Variants in TIFAB observed in about 807,000 individuals in gnomAD.
TIFAB encodes the protein TRAF-interacting protein with FHA domain-containing protein B.
For missense variants in TIFAB, 222 were observed against 203.6 expected (o/e 1.09, Z -0.55); for synonymous variants, 116 against 95.2 (o/e 1.22, Z -1.27).
In TIFAB at chr5:135,446,690, G is replaced by T; in HGVS notation, c.*2764C>A. Reference sequence around the variant, plus strand: ...CGGTGAGACTGTGTGAACTGTGAACGGGTAGAGTCTGAAACTACAAACCAG... The same window carrying T: ...CGGTGAGACTGTGTGAACTGTGAACTGGTAGAGTCTGAAACTACAAACCAG... On this transcript the variant is annotated 3_prime_UTR_variant, in exon 2 of 2. Transcript: ENST00000537858. 6.2e-7 allele frequency: 1 copy of T among 1,613,784 alleles called. No individual in the cohort carries two copies. The highest frequency in any genetic ancestry group is 8.5e-7 in the Non-Finnish European group (1 of 1,179,710).
In TIFAB at chr5:135,446,381, G is replaced by C. The variant is rs370314333; in HGVS notation, c.*3073C>G. The stretch of plus-strand genomic sequence containing the variant: ...GTGCACACGCACACATGTTCACTCA[G>C]GCACGTGGGCTGCCCTGCGGTGGGA... On this transcript the variant is annotated 3_prime_UTR_variant, in exon 2 of 2. Coordinates refer to ENST00000537858, the MANE Select transcript of TIFAB (RefSeq NM_001099221.2). 3 of 1,599,736 alleles carry C rather than the reference G, an allele frequency of 1.9e-6. No individual in the cohort carries two copies. Among genetic ancestry groups the C allele is most frequent in the Non-Finnish European group, 8.5e-7 (1 of 1,170,456 alleles).
At position 135,451,485 on chromosome 5, in the gene TIFAB, C is replaced by CTT. The variant is rs572037192; in HGVS notation, c.-11+722_-11+723dup. Reference sequence around the variant, plus strand: ...TCTGCCGAAAGCCTTTCTTTTTTTTCTTTTTTTTTTTTTTCTGAGATGGAG... The same window carrying CTT: ...TCTGCCGAAAGCCTTTCTTTTTTTTCTTTTTTTTTTTTTTTTCTGAGATGGAG... On this transcript the variant is annotated intron_variant, in intron 1 of 1. Coordinates refer to ENST00000537858, the MANE Select transcript of TIFAB (RefSeq NM_001099221.2). Among the ~76,000 whole-genome samples the CTT allele has an allele frequency of 1.0e-3, 149 of 142,268 alleles. 1 individual carries two copies. Among genetic ancestry groups the CTT allele is most frequent in the Non-Finnish European group, 1.7e-3 (108 of 65,284 alleles). 93.3% of individuals were successfully genotyped at this position (142,268 alleles called of 152,430 possible).
chr5:135,447,817 C>G lies in TIFAB; in HGVS notation c.*1637G>C, dbSNP rs1438921920. The G allele has an allele frequency of 6.6e-6, 1 of 152,284 alleles. No individual in the cohort carries two copies. The highest frequency in any genetic ancestry group is 1.5e-5 in the Non-Finnish European group (1 of 68,106). The allele number at this position is 152,284 out of a possible 1,614,324, so 9.4% of individuals were successfully genotyped here. A position where few individuals can be genotyped will look rare whatever the true frequency, so the allele number is the denominator to read the frequency against. ...TAGTGATCAAATAAGTAATGCACTC[C>G]TGAATGCTTGACTTTCCTGAGTGCA... On this transcript the variant is annotated 3_prime_UTR_variant, in exon 2 of 2. Coordinates refer to ENST00000537858, the MANE Select transcript of TIFAB (RefSeq NM_001099221.2).
rs1268074241 is a variant in TIFAB, at chr5:135,444,925, G to A, written c.*4529C>T. The A allele has an allele frequency of 1.3e-5, 2 of 152,482 alleles. No homozygotes were observed. Among genetic ancestry groups the A allele is most frequent in the African/African-American group, 4.8e-5 (2 of 41,460 alleles). 9.4% of individuals were successfully genotyped at this position (152,482 alleles called of 1,614,324 possible). On this transcript the variant is annotated 3_prime_UTR_variant, in exon 2 of 2. Coordinates refer to ENST00000537858, the MANE Select transcript of TIFAB (RefSeq NM_001099221.2). ...CATCACGTTCTCAGTCCTTTCCTGTGTGGATGGAGTGTTGGCACAGTGAGG... is the reference window on the plus strand; with the variant it reads ...CATCACGTTCTCAGTCCTTTCCTGTATGGATGGAGTGTTGGCACAGTGAGG...
chr5:135,450,262 T>G (rs907162522), intron 1 of TIFAB, among the ~76,000 whole-genome samples: 2 of 152,310 alleles, frequency 1.3e-5, no homozygotes, highest in Middle Eastern at 3.4e-3. Context: ...ATCTTTTGGT[T>G]ATTTGGAGAC....
At position 135,446,756 on chromosome 5, in the gene TIFAB, C is replaced by T. The variant is rs767281899; in HGVS notation, c.*2698G>A. The T allele has an allele frequency of 1.2e-6, 2 of 1,613,992 alleles. No homozygotes were observed. The highest frequency in any genetic ancestry group is 1.7e-6 in the Non-Finnish European group (2 of 1,179,874). On this transcript the variant is annotated 3_prime_UTR_variant, in exon 2 of 2. Coordinates refer to ENST00000537858, the MANE Select transcript of TIFAB (RefSeq NM_001099221.2). ...CTCCCGCCTGGTCTGGCCTGTCTTC[C>T]TTCTGCTGCTATGCAGTTCATCCTG... is the stretch of plus-strand genomic sequence containing the variant.
rs1580655210 is a variant in TIFAB, at chr5:135,447,235, C to A, written c.*2219G>T. ...CATTATACTAACCCTGCCTATTGGACCTTCTGATGCAAGGAGCAGATTAAA... is the reference window on the plus strand; with the variant it reads ...CATTATACTAACCCTGCCTATTGGAACTTCTGATGCAAGGAGCAGATTAAA... On this transcript the variant is annotated 3_prime_UTR_variant, in exon 2 of 2. Coordinates refer to ENST00000537858, the MANE Select transcript of TIFAB (RefSeq NM_001099221.2). The A allele has an allele frequency of 8.8e-7, 1 of 1,138,138 alleles. No individual in the cohort carries two copies. The highest frequency in any genetic ancestry group is 1.3e-6 in the Non-Finnish European group (1 of 795,634). The allele number at this position is 1,138,138 out of a possible 1,614,324, so 70.5% of individuals were successfully genotyped here.
rs888508004 is a variant in TIFAB at position 135,444,299 on chromosome 5, A to G, written c.*5155T>C. ...GAGGAATCACAGCCCTGCAATTCAAATAGGGTTCATTAAATTCGGCATCTC... is the reference window on the plus strand; with the variant it reads ...GAGGAATCACAGCCCTGCAATTCAAGTAGGGTTCATTAAATTCGGCATCTC... On this transcript the variant is annotated 3_prime_UTR_variant, in exon 2 of 2. Coordinates refer to ENST00000537858, the MANE Select transcript of TIFAB (RefSeq NM_001099221.2). 2.0e-5 allele frequency: 3 copies of G among 152,226 alleles called. No homozygotes were observed. Among genetic ancestry groups the G allele is most frequent in the Non-Finnish European group, 2.9e-5 (2 of 68,060 alleles). 9.4% of individuals were successfully genotyped at this position (152,226 alleles called of 1,614,324 possible). A position where few individuals can be genotyped will look rare whatever the true frequency, so the allele number is the denominator to read the frequency against.
At position 135,449,692 on chromosome 5, in the gene TIFAB, C is replaced by T. The variant is rs1278704792; in HGVS notation, c.248G>A (p.Cys83Tyr). The change falls in exon 2 of 2, where the codon TGT becomes TAT. Residue 83 changes from cysteine (C) to tyrosine (Y), a missense_variant. Physicochemically the swap from Cys to Tyr is radical, Grantham distance 194 (BLOSUM62 -2). Coordinates refer to ENST00000537858, the MANE Select transcript of TIFAB (RefSeq NM_001099221.2). ...CAGCGTCAGCCCATTGACCCACACA[C>T]AGCCCTTGCGGCTCAGGGCCTTGAG... ...FCLKALSRKG[C>Y]VWVNGLTLRY... The T allele has an allele frequency of 5.6e-6, 9 of 1,614,034 alleles. No individual in the cohort carries two copies. Among genetic ancestry groups the T allele is most frequent in the Admixed American group, 1.7e-5 (1 of 60,018 alleles).
In TIFAB at chr5:135,447,100, G is replaced by A. The variant is rs113239442; in HGVS notation, c.*2354C>T. 76 of 1,613,898 alleles carry A rather than the reference G, an allele frequency of 4.7e-5. No individual in the cohort carries two copies. The highest frequency in any genetic ancestry group is 2.5e-4 in the African/African-American group (19 of 74,930). On this transcript the variant is annotated 3_prime_UTR_variant, in exon 2 of 2. Transcript: ENST00000537858. ...AGTTCTGTATGTGGGTTGCTGCTCC[G>A]TAATGCATAGTTGGGGGACCATTTT...
chr5:135,446,884 G>C lies in TIFAB; in HGVS notation c.*2570C>G. 1 of 1,613,826 alleles carries C rather than the reference G, an allele frequency of 6.2e-7. No individual in the cohort carries two copies. The highest frequency in any genetic ancestry group is 8.5e-7 in the Non-Finnish European group (1 of 1,179,810). The stretch of plus-strand genomic sequence containing the variant: ...CCTCTCGCAGGACCCCAGCTGGCAA[G>C]GTTTTGTTCCTCCCTGGAGGGTAGA... On this transcript the variant is annotated 3_prime_UTR_variant, in exon 2 of 2. Coordinates refer to ENST00000537858, the MANE Select transcript of TIFAB (RefSeq NM_001099221.2).
At chr5:135,450,958 C>T (rs552307158) in intron 1 of TIFAB, among the ~76,000 whole-genome samples, 3 of 152,344 alleles carry the variant, frequency 2.0e-5, no homozygotes, top group African/African-American at 4.8e-5. Flanking sequence ...ACCTGGCCAA[C>T]CTTACTCTCC....
chr5:135,448,651 A>T lies in TIFAB; in HGVS notation c.*803T>A, dbSNP rs1769313369. 6.6e-6 allele frequency: 1 copy of T among 152,152 alleles called. No homozygotes were observed. The highest frequency in any genetic ancestry group is 1.5e-5 in the Non-Finnish European group (1 of 68,046). 9.4% of individuals were successfully genotyped at this position (152,152 alleles called of 1,614,324 possible). ...GAGAATGCGGAGTGTGAGGATGAGG[A>T]TGATAAGGGGGACAATGAATTTCCA... On this transcript the variant is annotated 3_prime_UTR_variant, in exon 2 of 2. Transcript: ENST00000537858.
In TIFAB at chr5:135,446,598, A is replaced by G. The variant is rs151294593; in HGVS notation, c.*2856T>C. 3.6e-4 allele frequency: 589 copies of G among 1,614,032 alleles called. 1 individual carries two copies. In the African/African-American group the frequency reaches 7.2e-3, roughly 20 times the overall value. On this transcript the variant is annotated 3_prime_UTR_variant, in exon 2 of 2. Transcript: ENST00000537858. ...TTCAGTGATTTTCTACTCAAGAAAAATGAAGTCTCGGATGGGCAGAGCTTA... is the reference window on the plus strand; with the variant it reads ...TTCAGTGATTTTCTACTCAAGAAAAGTGAAGTCTCGGATGGGCAGAGCTTA...
In TIFAB at chr5:135,446,317, A is replaced by C; in HGVS notation, c.*3137T>G. On this transcript the variant is annotated 3_prime_UTR_variant, in exon 2 of 2. Coordinates refer to ENST00000537858, the MANE Select transcript of TIFAB (RefSeq NM_001099221.2). The stretch of plus-strand genomic sequence containing the variant: ...TGGGAGCAGCGTTCATGTGCACTGT[A>C]TGTTCGTGTTTAGTGTATGTCTGTG... 1.3e-6 allele frequency: 2 copies of C among 1,535,074 alleles called. No individual in the cohort carries two copies. The highest frequency in any genetic ancestry group is 1.8e-6 in the Non-Finnish European group (2 of 1,139,434).
In TIFAB at chr5:135,449,898, A is replaced by G; in HGVS notation, c.42T>C (p.His14=). The change falls in exon 2 of 2, where the codon CAT becomes CAC. Residue 14 remains histidine (H), a synonymous_variant. Transcript: ENST00000537858. ...PLTVLRVSLY[H]PTLGPSAFAN... ...CAAAGGCAGATGGGCCCAGCGTGGG[A>G]TGGTACAGGCTCACTCGCAGGACGG... 1 of 1,562,004 alleles carries G rather than the reference A, an allele frequency of 6.4e-7. No individual in the cohort carries two copies. Among genetic ancestry groups the G allele is most frequent in the Non-Finnish European group, 8.7e-7 (1 of 1,152,068 alleles).
intron 1 of TIFAB, among the ~76,000 whole-genome samples, chr5:135,451,584 A>G (rs773079737): frequency 6.6e-6 from 1 of 151,766 alleles, no homozygotes; most frequent in Non-Finnish European, 1.5e-5. Context: ...TCCAGGTTCA[A>G]GGGATTCTCC....
intron 1 of TIFAB, among the ~76,000 whole-genome samples, chr5:135,451,355 T>C (rs1465236345): frequency 6.6e-6 from 1 of 152,132 alleles, no homozygotes; most frequent in Non-Finnish European, 1.5e-5. Flanking sequence ...GACCTTTTAG[T>C]CTGATAGTGA....
Position 135,447,575 on chromosome 5 carries a change from G to T in TIFAB, c.*1879C>A. The stretch of plus-strand genomic sequence containing the variant: ...GAGGCAAGAGCAGACTAAATCACTT[G>T]CCCAAATCGCATAGCTACTGATGGT... On this transcript the variant is annotated 3_prime_UTR_variant, in exon 2 of 2. Coordinates refer to ENST00000537858, the MANE Select transcript of TIFAB (RefSeq NM_001099221.2). 5.8e-6 allele frequency: 1 copy of T among 173,752 alleles called. No individual in the cohort carries two copies. Among genetic ancestry groups the T allele is most frequent in the Non-Finnish European group, 1.2e-5 (1 of 80,454 alleles). The allele number at this position is 173,752 out of a possible 1,614,324, so 10.8% of individuals were successfully genotyped here.
Sources: allele counts gnomAD v4.1 joint callset (sites outside exome capture counted in the v4.1 genomes callset), GRCh38; gene constraint gnomAD v4.1.1; transcripts MANE v1.5; gene names NCBI Gene and HGNC (gene_info 2026-07-23, HGNC 2026-07-21).